TUNAR: variants seen among roughly 807,000 people sequenced by gnomAD.
TUNAR encodes transmembrane neural differentiation associated intracellular calcium regulator.
intron 2 of TUNAR, among the ~76,000 whole-genome samples, chr14:95,893,731 G>A (rs1384384433): frequency 1.3e-5 from 2 of 152,206 alleles, no homozygotes; most frequent in Non-Finnish European, 2.9e-5. Context: ...AGGAGCATTT[G>A]AAAAATGCTC....
At chr14:95,919,612 C>T (rs1350031781) in intron 2 of TUNAR, among the ~76,000 whole-genome samples, 1 of 152,086 alleles carries the variant, frequency 6.6e-6, no homozygotes, top group East Asian at 1.9e-4. Context: ...GCTTGGGAGG[C>T]TGAGGCAGGA....
intron 2 of TUNAR, among the ~76,000 whole-genome samples, chr14:95,901,714 T>C (rs1295901549): frequency 1.3e-5 from 2 of 152,232 alleles, no homozygotes; most frequent in Non-Finnish European, 2.9e-5. Context: ...AAGGACACGA[T>C]TGCTGTCAAG....
At chr14:95,892,649 C>T (rs1190328294) in intron 2 of TUNAR, among the ~76,000 whole-genome samples, 4 of 152,204 alleles carry the variant, frequency 2.6e-5, no homozygotes, top group African/African-American at 9.6e-5. Context: ...ATCTCCATTT[C>T]CCCTCCAGCA....
intron 2 of TUNAR, among the ~76,000 whole-genome samples, chr14:95,882,934 A>T (rs994617472): frequency 3.9e-5 from 6 of 152,242 alleles, no homozygotes; most frequent in Admixed American, 3.9e-4. Flanking sequence ...CATCACGTGC[A>T]AGTTTAAAAT....
intron 2 of TUNAR, among the ~76,000 whole-genome samples, chr14:95,892,066 A>G (rs1041880124): frequency 4.6e-5 from 7 of 152,388 alleles, no homozygotes; most frequent in African/African-American, 1.7e-4. Context: ...GCATCAGCAG[A>G]GATGCCATTT....
chr14:95,899,130 T>C (rs1000881621), intron 2 of TUNAR, among the ~76,000 whole-genome samples: 2 of 152,206 alleles, frequency 1.3e-5, no homozygotes, highest in African/African-American at 4.8e-5. Flanking sequence ...TCTTGGTAAC[T>C]GGGGCTGTGG....
At chr14:95,916,918 G>T (rs758943815) in intron 2 of TUNAR, among the ~76,000 whole-genome samples, 1 of 152,258 alleles carries the variant, frequency 6.6e-6, no homozygotes, top group African/African-American at 2.4e-5. Flanking sequence ...TGTAAACCAT[G>T]CCTGGACATG....
At chr14:95,898,346 ATAGT>A (rs1889296405) in intron 2 of TUNAR, among the ~76,000 whole-genome samples, 1 of 152,210 alleles carries the variant, frequency 6.6e-6, no homozygotes, top group African/African-American at 2.4e-5. Context: ...TTACATGAGG[ATAGT>A]CTCCAGGGTG....
chr14:95,888,811 G>C (rs34251032), intron 2 of TUNAR, among the ~76,000 whole-genome samples: 1 of 151,480 alleles, frequency 6.6e-6, no homozygotes, highest in Non-Finnish European at 1.5e-5. Context: ...AGGGGATGGG[G>C]GGGGCAGTTA....
At chr14:95,913,408 A>T (rs1889550299) in intron 2 of TUNAR, among the ~76,000 whole-genome samples, 1 of 152,040 alleles carries the variant, frequency 6.6e-6, no homozygotes, top group Non-Finnish European at 1.5e-5. Flanking sequence ...ATGAGTGAGA[A>T]CATGCGGCGT....
At chr14:95,897,897 C>G (rs1289743075) in intron 2 of TUNAR, among the ~76,000 whole-genome samples, 2 of 152,064 alleles carry the variant, frequency 1.3e-5, no homozygotes, top group Admixed American at 6.6e-5. Context: ...CATACTCTCC[C>G]TTTTTTCATA....
chr14:95,885,078 G>C (rs1889053572), intron 2 of TUNAR, among the ~76,000 whole-genome samples: 1 of 152,222 alleles, frequency 6.6e-6, no homozygotes, highest in Non-Finnish European at 1.5e-5. Flanking sequence ...TCTCAGATGG[G>C]ATGCGTGCTC....
chr14:95,904,787 G>A, intron 2 of TUNAR, among the ~76,000 whole-genome samples: 1 of 152,210 alleles, frequency 6.6e-6, no homozygotes, highest in African/African-American at 2.4e-5. Flanking sequence ...AGGTGGAGGG[G>A]CTGCCCGGGC....
chr14:95,880,403 C>T (rs1011064870), intron 2 of TUNAR, among the ~76,000 whole-genome samples: 12 of 152,088 alleles, frequency 7.9e-5, no homozygotes, highest in African/African-American at 2.2e-4. Context: ...CTGATTATGC[C>T]GGCTTCCCTA....
rs138811703 is a variant in TUNAR, at chr14:95,900,326, G to A, written c.13-22455G>A. Among the ~76,000 whole-genome samples, 1,059 of 152,318 alleles carry A rather than the reference G, an allele frequency of 7.0e-3. 6 individuals carry two copies. Among genetic ancestry groups the A allele is most frequent in the Non-Finnish European group, 0.012 (825 of 68,036 alleles). On this transcript the variant is annotated intron_variant, in intron 2 of 2. Transcript: ENST00000678517. Reference sequence around the variant, plus strand: ...TACAGTTAGTGGGCTGCATGATTGCGGGGAAAGGAGCGATGAATTGTGCTC... The same window carrying A: ...TACAGTTAGTGGGCTGCATGATTGCAGGGAAAGGAGCGATGAATTGTGCTC...
chr14:95,918,746 G>C (rs560067623), intron 2 of TUNAR, among the ~76,000 whole-genome samples: 1 of 152,312 alleles, frequency 6.6e-6, no homozygotes, highest in South Asian at 2.1e-4. Context: ...ATTAAGCCTT[G>C]AAACCAAGCA....
chr14:95,887,560 G>A (rs1321342943), intron 2 of TUNAR, among the ~76,000 whole-genome samples: 3 of 152,186 alleles, frequency 2.0e-5, no homozygotes, highest in Non-Finnish European at 4.4e-5. Flanking sequence ...TCACAGCCCC[G>A]TGCAACATAA....
intron 2 of TUNAR, among the ~76,000 whole-genome samples, chr14:95,903,699 A>G (rs1022058822): frequency 6.6e-6 from 1 of 152,166 alleles, no homozygotes; most frequent in Non-Finnish European, 1.5e-5. Context: ...GGTCGTTATT[A>G]TCTCATGGGG....
At chr14:95,897,326 G>T (rs1003440721) in intron 2 of TUNAR, among the ~76,000 whole-genome samples, 2 of 152,172 alleles carry the variant, frequency 1.3e-5, no homozygotes, top group Admixed American at 1.3e-4. Context: ...AGTTTCATCT[G>T]TGCTTGTTAA....
Sources: gnomAD v4.1 joint callset for allele counts (sites outside exome capture counted in the v4.1 genomes callset) on GRCh38, gnomAD v4.1.1 for gene constraint, MANE v1.5 for transcripts, NCBI Gene and HGNC (gene_info 2026-07-23, HGNC 2026-07-21) for gene names.